Variants in SRSF1 observed in about 807,000 individuals in gnomAD.
SRSF1 encodes serine/arginine-rich splicing factor 1.
In SRSF1, 1 loss-of-function variant was observed where a neutral mutation model predicts 25.9. That is an observed-to-expected ratio of 0.04 (90% CI 0.01 to 0.18). The LOEUF (loss-of-function observed/expected upper bound fraction) is 0.18, where lower values mean the gene tolerates loss of function less well. SRSF1 is among the 10% of genes least tolerant of loss of function. SRSF1 has a pLI of 1.00. For synonymous variants in SRSF1, 132 were observed against 126.2 expected (o/e 1.05, Z -0.31); for missense variants, 65 against 350.5 (o/e 0.19, Z 6.50).
chr17:58,006,884 G>A (rs961458998), intron 1 of SRSF1, 60 bp downstream of exon 1: 7 of 1,585,420 alleles, frequency 4.4e-6, no homozygotes, highest in Non-Finnish European at 6.0e-6. Flanking sequence ...TAAGGCCTTG[G>A]AGCCTTCCCC....
chr17:57,996,306 A>C (rs2075364358), downstream of SRSF1, among the ~76,000 whole-genome samples: 1 of 151,932 alleles, frequency 6.6e-6, no homozygotes, highest in African/African-American at 2.4e-5. Context: ...AACATAGTGA[A>C]ACCCTGTCTC....
In SRSF1 at chr17:58,006,670, A is replaced by C. The variant is rs999618354; in HGVS notation, c.195-143T>G. On this transcript the variant is annotated intron_variant, in intron 1 of 3. Transcript: ENST00000258962. ...GCATAATAGGAATGGCCCCTCCCCC[A>C]CCCAGAAACACGCCAGGCTCCCAAC... is the stretch of plus-strand genomic sequence containing the variant. 17 of 1,025,652 alleles carry C rather than the reference A, an allele frequency of 1.7e-5. No homozygotes were observed. In the Admixed American group the frequency reaches 5.0e-4, roughly 30 times the overall value. The allele number at this position is 1,025,652 out of a possible 1,614,324, so 63.5% of individuals were successfully genotyped here. A position where few individuals can be genotyped will look rare whatever the true frequency, so the allele number is the denominator to read the frequency against.
chr17:58,000,453 T>C (rs1458385926), downstream of SRSF1, among the ~76,000 whole-genome samples: 1 of 152,178 alleles, frequency 6.6e-6, no homozygotes, highest in African/African-American at 2.4e-5. Flanking sequence ...AATGTTCCTT[T>C]AAGTACTGAT....
At chr17:57,995,964 G>A (rs1404057060), downstream of SRSF1, among the ~76,000 whole-genome samples, 2 of 152,114 alleles carry the variant, frequency 1.3e-5, no homozygotes, top group African/African-American at 4.8e-5. Flanking sequence ...AACAGAGCAA[G>A]ACCCTGTCTC....
Position 58,004,710 on chromosome 17 carries a change from G to C in SRSF1, c.*696C>G. 1 of 340,886 alleles carries C rather than the reference G, an allele frequency of 2.9e-6. No homozygotes were observed. Among genetic ancestry groups the C allele is most frequent in the Non-Finnish European group, 5.3e-6 (1 of 189,692 alleles). 21.1% of individuals were successfully genotyped at this position (340,886 alleles called of 1,614,324 possible). ...GTCCCTATTAAAACAAAAATGGGGGGAAGGGAGCAAAATAAGTTGCTACAA... is the reference window on the plus strand; with the variant it reads ...GTCCCTATTAAAACAAAAATGGGGGCAAGGGAGCAAAATAAGTTGCTACAA... On this transcript the variant is annotated 3_prime_UTR_variant, in exon 4 of 4. Coordinates refer to ENST00000258962, the MANE Select transcript of SRSF1 (RefSeq NM_006924.5).
chr17:57,989,062 C>T, the SRSF1 span: 1 of 396,028 alleles, frequency 2.5e-6, no homozygotes. Context: ...TATTTTAGTC[C>T]TTTAGTACAG....
In SRSF1 at chr17:58,004,732, A is replaced by G. The variant is rs116116775; in HGVS notation, c.*674T>C. 1,455 of 371,074 alleles carry G rather than the reference A, an allele frequency of 3.9e-3. 18 individuals are homozygous for G. Among genetic ancestry groups the G allele is most frequent in the South Asian group, 0.029 (196 of 6,776 alleles). 23.0% of individuals were successfully genotyped at this position (371,074 alleles called of 1,614,324 possible). ...GGGGAAGGGAGCAAAATAAGTTGCT[A>G]CAAAATGGGCAATATAATTTTGCCA... On this transcript the variant is annotated 3_prime_UTR_variant, in exon 4 of 4. Transcript: ENST00000258962.
chr17:57,989,818 AATG>A, the SRSF1 span: 1 of 398,534 alleles, frequency 2.5e-6, no homozygotes, highest in Non-Finnish European at 4.4e-6. Context: ...GGGGACAGAA[AATG>A]ATGAAAGAGT....
chr17:58,005,319 C>G lies in SRSF1; in HGVS notation c.*87G>C, dbSNP rs1490509974. 1 of 1,442,238 alleles carries G rather than the reference C, an allele frequency of 6.9e-7. No homozygotes were observed. Among genetic ancestry groups the G allele is most frequent in the Non-Finnish European group, 9.5e-7 (1 of 1,048,480 alleles). The allele number at this position is 1,442,238 out of a possible 1,614,324, so 89.3% of individuals were successfully genotyped here. ...ACACTTTAGCCCATTCTGAACAAAA[C>G]AGTTTGAATTAAAAAATGAAAAGAT... On this transcript the variant is annotated 3_prime_UTR_variant, in exon 4 of 4. Transcript: ENST00000258962. This position sits in a 1 kb window ranked among gnomAD's most constrained non-coding sequence, Gnocchi z 5.2.
the SRSF1 span, among the ~76,000 whole-genome samples, chr17:57,995,387 A>G: frequency 6.6e-6 from 1 of 152,200 alleles, no homozygotes; most frequent in Non-Finnish European, 1.5e-5. Context: ...CTGTGTGACC[A>G]GCTGTCCTCC....
At position 58,004,405 on chromosome 17, in the gene SRSF1, ATTAGT is replaced by A. The variant is rs913672206; in HGVS notation, c.*996_*1000del. 2.6e-5 allele frequency: 4 copies of A among 152,646 alleles called. No homozygotes were observed. Among genetic ancestry groups the A allele is most frequent in the African/African-American group, 4.8e-5 (2 of 41,478 alleles). The allele number at this position is 152,646 out of a possible 1,614,324, so 9.5% of individuals were successfully genotyped here. On this transcript the variant is annotated 3_prime_UTR_variant, in exon 4 of 4. Transcript: ENST00000258962. ...TTAAACATATGAACCAATTATGAAT[ATTAGT>A]TTAAAGGGGAAGGTGAGACTTAAAA...
chr17:58,001,737 AT>A lies in SRSF1; in HGVS notation c.*3668del, dbSNP rs1262755297. ...AATACGGATAGAGACCTAAAGGTCC[AT>A]TTTCTGAGACTATAAATAGGAGCAG... On this transcript the variant is annotated 3_prime_UTR_variant, in exon 4 of 4. Transcript: ENST00000258962. 6.6e-6 allele frequency among the ~76,000 whole-genome samples: 1 copy of A among 152,218 alleles called. No individual in the cohort carries two copies. The highest frequency in any genetic ancestry group is 1.5e-5 in the Non-Finnish European group (1 of 68,026).
In SRSF1 at chr17:58,003,180, AAGC is replaced by A. The variant is rs1280870590; in HGVS notation, c.*2223_*2225del. ...ATGTTGTCTATGACCACCAGAAAAT[AAGC>A]AGCATCTATAGTTTTTTAACCACTT... On this transcript the variant is annotated 3_prime_UTR_variant, in exon 4 of 4. Coordinates refer to ENST00000258962, the MANE Select transcript of SRSF1 (RefSeq NM_006924.5). Among the ~76,000 whole-genome samples, 2 of 150,848 alleles carry A rather than the reference AAGC, an allele frequency of 1.3e-5. No homozygotes were observed. Among genetic ancestry groups the A allele is most frequent in the Admixed American group, 6.6e-5 (1 of 15,186 alleles).
At chr17:58,006,919 G>A (rs1367651449) in intron 1 of SRSF1, 25 bp downstream of exon 1, 1 of 1,612,732 alleles carries the variant, frequency 6.2e-7, no homozygotes, top group South Asian at 1.1e-5. Flanking sequence ...ATTTCCTCAA[G>A]GCTGCAAGCC....
chr17:57,998,657 T>C (rs141572531), downstream of SRSF1, among the ~76,000 whole-genome samples: 101 of 152,340 alleles, frequency 6.6e-4, no homozygotes, highest in African/African-American at 2.4e-3. Flanking sequence ...CTTTCAGCTG[T>C]CAATCCAATT....
downstream of SRSF1, among the ~76,000 whole-genome samples, chr17:57,997,454 GAAATAT>G (rs2075369599): frequency 6.6e-6 from 1 of 152,090 alleles, no homozygotes; most frequent in Non-Finnish European, 1.5e-5. Flanking sequence ...AGCTCATTGG[GAAATAT>G]AAATATATTC....
chr17:58,006,761 A>G (rs960619727), intron 1 of SRSF1, 183 bp downstream of exon 1: 2 of 907,422 alleles, frequency 2.2e-6, no homozygotes, highest in East Asian at 2.6e-5. Flanking sequence ...GGGGACGTCC[A>G]AGGCGAGGCG....
downstream of SRSF1, among the ~76,000 whole-genome samples, chr17:58,000,711 G>A (rs2075383663): frequency 6.6e-6 from 1 of 152,184 alleles, no homozygotes; most frequent in African/African-American, 2.4e-5. Flanking sequence ...CATTAGGCCT[G>A]TGTATGCTAG....
chr17:57,995,846 G>A, the SRSF1 span, among the ~76,000 whole-genome samples: 2 of 152,132 alleles, frequency 1.3e-5, no homozygotes, highest in South Asian at 2.1e-4. Context: ...GAATTAAAAT[G>A]AGCCACAGTA....
Sources: allele counts gnomAD v4.1 joint callset (sites outside exome capture counted in the v4.1 genomes callset), GRCh38; gene constraint gnomAD v4.1.1; non-coding constraint Gnocchi (gnomAD v3.1); transcripts MANE v1.5; gene names NCBI Gene and HGNC (gene_info 2026-07-23, HGNC 2026-07-21).